TSPAN19: variants seen among roughly 807,000 people sequenced by gnomAD.
TSPAN19 encodes the protein tetraspanin-19.
A neutral mutation model predicts 35.1 loss-of-function variants in TSPAN19; 44 were observed. The ratio of observed to expected loss-of-function variants is 1.25; its 90% CI spans 0.98 to 1.61. The LOEUF (loss-of-function observed/expected upper bound fraction) is 1.61. TSPAN19 is among the 40% of genes most tolerant of loss of function. The pLI is 0.00. For missense variants in TSPAN19, 290 were observed against 280.0 expected (o/e 1.04, Z -0.26); for synonymous variants, 79 against 92.0 (o/e 0.86, Z 0.81).
chr12:85,024,410 T>C (rs572011857), intron 4 of TSPAN19, among the ~76,000 whole-genome samples: 31 of 152,310 alleles, frequency 2.0e-4, no homozygotes, highest in Admixed American at 1.5e-3. Context: ...CCTGGCTCTA[T>C]TTTGTCTGGG....
At chr12:85,025,526 TG>T (rs921985755) in intron 4 of TSPAN19, among the ~76,000 whole-genome samples, 1 of 151,210 alleles carries the variant, frequency 6.6e-6, no homozygotes, top group African/African-American at 2.4e-5. Context: ...TAGCTTTTTT[TG>T]TTGGGGGGGA....
chr12:85,016,053 C>G (rs1876776406), intron 7 of TSPAN19, 82 bp from the exon 8 acceptor site: 1 of 881,374 alleles, frequency 1.1e-6, no homozygotes, highest in Non-Finnish European at 1.6e-6. Flanking sequence ...AAAAGGTAAA[C>G]AGAGATTAGT....
At chr12:85,021,201 C>T (rs1224050400) in intron 5 of TSPAN19, among the ~76,000 whole-genome samples, 1 of 151,920 alleles carries the variant, frequency 6.6e-6, no homozygotes, top group Non-Finnish European at 1.5e-5. Flanking sequence ...TAATTATTTA[C>T]TTTTGTTTAC....
chr12:85,021,472 T>C (rs1048604102), intron 5 of TSPAN19, among the ~76,000 whole-genome samples: 5 of 152,226 alleles, frequency 3.3e-5, no homozygotes, highest in East Asian at 1.9e-4. Flanking sequence ...AGATATATAG[T>C]GCTGTTGAGA....
intron 8 of TSPAN19, 23 bp from the exon 9 acceptor site, chr12:85,014,578 G>A (rs1159520056): frequency 6.5e-7 from 1 of 1,540,600 alleles, no homozygotes; most frequent in Admixed American, 1.8e-5. Context: ...GGAACAATAA[G>A]AGATTAAAAT....
At chr12:85,025,827 G>A (rs1036161016) in intron 4 of TSPAN19, among the ~76,000 whole-genome samples, 3 of 152,060 alleles carry the variant, frequency 2.0e-5, no homozygotes, top group African/African-American at 7.2e-5. Flanking sequence ...CCTGGCCCAA[G>A]ACATGGAATA....
chr12:85,023,394 C>A lies in TSPAN19; in HGVS notation c.271G>T (p.Val91Leu). 6.3e-7 allele frequency: 1 copy of A among 1,578,850 alleles called. No homozygotes were observed. Among genetic ancestry groups the A allele is most frequent in the South Asian group, 1.2e-5 (1 of 85,886 alleles). Residue 91 changes from valine (V) to leucine (L), a missense_variant, in exon 5 of 9, where the codon GTA becomes TTA. Coordinates refer to ENST00000532498, the MANE Select transcript of TSPAN19 (RefSeq NM_001100917.2). Reference protein sequence around the residue: ...EIRWLLIVYAVLITWTFAVQV... With the variant: ...EIRWLLIVYALLITWTFAVQV... ...ACAGCAAAGGTCCATGTTATCAATA[C>A]TGCATACTAAAACAAAAGAAAAATA... is the stretch of plus-strand genomic sequence containing the variant.
intron 5 of TSPAN19, 150 bp from the exon 6 acceptor site, chr12:85,019,886 T>C: frequency 1.8e-6 from 1 of 543,378 alleles, no homozygotes; most frequent in Non-Finnish European, 3.2e-6. Context: ...AAAATAACTT[T>C]TTAACACTTT....
At chr12:85,016,909 A>C (rs774618802) in intron 7 of TSPAN19, 4 of 151,894 alleles carry the variant, frequency 2.6e-5, no homozygotes, top group Non-Finnish European at 5.9e-5. Context: ...TTAAGATTAG[A>C]ATAAGCTTAA....
At chr12:85,024,044 C>A (rs779332420) in intron 4 of TSPAN19, among the ~76,000 whole-genome samples, 1 of 151,960 alleles carries the variant, frequency 6.6e-6, no homozygotes, top group Admixed American at 6.6e-5. Flanking sequence ...AGATTATAGT[C>A]CAGATTGCAT....
chr12:85,029,404 G>A (rs75458697), intron 3 of TSPAN19, among the ~76,000 whole-genome samples: 14 of 152,028 alleles, frequency 9.2e-5, no homozygotes, highest in African/African-American at 2.7e-4. Context: ...TAGCATGTCC[G>A]GTCATCTCAA....
intron 7 of TSPAN19, 114 bp from the exon 8 acceptor site, chr12:85,016,085 T>C (rs1876778086): frequency 3.2e-6 from 2 of 626,004 alleles, no homozygotes; most frequent in South Asian, 5.8e-5. Context: ...GTCTAAATAG[T>C]AAGTCAATAT....
chr12:85,027,154 G>A (rs368119362), intron 4 of TSPAN19, among the ~76,000 whole-genome samples: 4 of 152,090 alleles, frequency 2.6e-5, no homozygotes, highest in South Asian at 2.1e-4. Context: ...TACAAGCCTC[G>A]AGAGAAACAG....
intron 8 of TSPAN19, 38 bp downstream of exon 8, chr12:85,015,850 T>G: frequency 7.0e-7 from 1 of 1,428,462 alleles, no homozygotes; most frequent in Non-Finnish European, 9.6e-7. Flanking sequence ...TAGCTTATAC[T>G]TAATATTTTT....
At chr12:85,017,154 G>T in intron 7 of TSPAN19, 1 of 281,710 alleles carries the variant, frequency 3.5e-6, no homozygotes, top group Non-Finnish European at 6.6e-6. Context: ...TTTGACAGAA[G>T]TGCCTCCTCT....
At chr12:85,017,076 C>T in intron 7 of TSPAN19, 1 of 195,354 alleles carries the variant, frequency 5.1e-6, no homozygotes, top group South Asian at 9.5e-5. Flanking sequence ...GGGTCCACTC[C>T]CTTTAGTTTT....
chr12:85,029,692 G>A (rs1877588639), intron 3 of TSPAN19, 27 bp downstream of exon 3: 1 of 1,494,632 alleles, frequency 6.7e-7, no homozygotes, highest in Non-Finnish European at 9.0e-7. Flanking sequence ...CTATTTCACT[G>A]AGAGAAAAAC....
intron 5 of TSPAN19, among the ~76,000 whole-genome samples, chr12:85,020,000 T>C (rs1371466538): frequency 4.6e-5 from 7 of 151,966 alleles, no homozygotes; most frequent in South Asian, 2.1e-4. Context: ...TTCTCATGCA[T>C]ATCTAAGGGA....
At chr12:85,023,428 G>T in intron 4 of TSPAN19, 28 bp from the exon 5 acceptor site, 1 of 1,499,738 alleles carries the variant, frequency 6.7e-7, no homozygotes, top group South Asian at 1.2e-5. Context: ...TAGAGATGAT[G>T]ACTATGCTAC....
Sources: allele counts gnomAD v4.1 joint callset (sites outside exome capture counted in the v4.1 genomes callset), GRCh38; gene constraint gnomAD v4.1.1; transcripts MANE v1.5; gene names NCBI Gene and HGNC (gene_info 2026-07-23, HGNC 2026-07-21).